The following SYT16 variants were observed in gnomAD, a reference collection of about 807,000 sequenced individuals.
SYT16 encodes synaptotagmin 16, also known as synaptotagmin-16.
Under a neutral mutation model 61.4 loss-of-function variants are expected in SYT16, and 42 were observed. That is an observed-to-expected ratio of 0.68 (90% confidence interval 0.53 to 0.89). The LOEUF (loss-of-function observed/expected upper bound fraction) is 0.89, where lower values mean the gene tolerates loss of function less well. Among genes scored for constraint, SYT16 ranks in the 40% least tolerant of loss-of-function variants. The pLI is 0.00. For synonymous variants in SYT16, 314 were observed against 302.3 expected (o/e 1.04, Z -0.40); for missense variants, 804 against 807.3 (o/e 1.00, Z 0.05).
chr14:61,980,025 C>T (rs2052003346), intron 2 of SYT16, among the ~76,000 whole-genome samples: 1 of 152,158 alleles, frequency 6.6e-6, no homozygotes, highest in Non-Finnish European at 1.5e-5. Context: ...TCTACATTCC[C>T]CAAGCCCTCC....
chr14:62,046,529 A>T (rs1184775366), intron 3 of SYT16, among the ~76,000 whole-genome samples: 1 of 152,156 alleles, frequency 6.6e-6, no homozygotes, highest in East Asian at 1.9e-4. Context: ...GTCCTTGCCC[A>T]TGCCTATGTC....
chr14:61,894,012 G>A (rs1179463829), intron 1 of SYT16, among the ~76,000 whole-genome samples: 1 of 152,194 alleles, frequency 6.6e-6, no homozygotes, highest in Admixed American at 6.5e-5. Context: ...TGGCTGGCAT[G>A]GTGGCTCATG....
At chr14:62,032,589 C>T (rs2054349971) in intron 3 of SYT16, among the ~76,000 whole-genome samples, 1 of 151,778 alleles carries the variant, frequency 6.6e-6, no homozygotes, top group African/African-American at 2.4e-5. Context: ...GGTAATGATA[C>T]TGAATAATGA....
At chr14:61,987,770 A>G (rs1305613268) in intron 2 of SYT16, among the ~76,000 whole-genome samples, 1 of 145,558 alleles carries the variant, frequency 6.9e-6, no homozygotes, top group Non-Finnish European at 1.5e-5. Context: ...CCACATTTTT[A>G]TAAGGCTGAT....
chr14:61,898,130 G>T (rs907140603), intron 1 of SYT16, among the ~76,000 whole-genome samples: 1 of 152,182 alleles, frequency 6.6e-6, no homozygotes, highest in Non-Finnish European at 1.5e-5. Context: ...CAGAAAATGT[G>T]CCAATTCTTA....
rs11357318 is a variant in SYT16, at chr14:61,833,706, C to CTTT, written c.-325+20915_-325+20917dup. On this transcript the variant is annotated intron_variant, in intron 1 of 7. Coordinates refer to ENST00000683842, the MANE Select transcript of SYT16 (RefSeq NM_001367656.1). The stretch of plus-strand genomic sequence containing the variant: ...CATTAGCCACTGCGCCCAGCAGTGG[C>CTTT]TTTTTTTTTTTTTTTTTTTTTAAAT... Among the ~76,000 whole-genome samples, 331 of 48,126 alleles carry CTTT rather than the reference C, an allele frequency of 6.9e-3. 1 individual carries two copies. Among genetic ancestry groups the CTTT allele is most frequent in the Non-Finnish European group, 9.2e-3 (244 of 26,648 alleles). The allele number at this position is 48,126 out of a possible 152,430, so 31.6% of individuals were successfully genotyped here. A position where few individuals can be genotyped will look rare whatever the true frequency, so the allele number is the denominator to read the frequency against.
intron 3 of SYT16, among the ~76,000 whole-genome samples, chr14:62,006,135 G>A (rs74860443): frequency 6.6e-6 from 1 of 152,006 alleles, no homozygotes; most frequent in East Asian, 1.9e-4. Flanking sequence ...TATAAAACTA[G>A]GATATGTGAT....
chr14:61,954,220 T>G (rs552443705), intron 1 of SYT16, among the ~76,000 whole-genome samples: 104 of 152,182 alleles, frequency 6.8e-4, no homozygotes, highest in Non-Finnish European at 1.3e-3. Flanking sequence ...TCTGGTTCCC[T>G]CCTTACTATT....
At chr14:61,891,308 C>T (rs1207968069) in intron 1 of SYT16, among the ~76,000 whole-genome samples, 3 of 151,892 alleles carry the variant, frequency 2.0e-5, no homozygotes, top group African/African-American at 7.3e-5. Context: ...GTGGCAAGCA[C>T]GTCTTCACCT....
intron 4 of SYT16, among the ~76,000 whole-genome samples, chr14:62,070,918 C>T (rs539753020): frequency 1.3e-5 from 2 of 151,940 alleles, no homozygotes; most frequent in African/African-American, 4.8e-5. Flanking sequence ...GAAGATAAAA[C>T]GGGAGAAATT....
intron 7 of SYT16, among the ~76,000 whole-genome samples, chr14:62,092,327 C>G (rs530179685): frequency 6.6e-6 from 1 of 151,768 alleles, no homozygotes; most frequent in Non-Finnish European, 1.5e-5. Context: ...TATGACAGTT[C>G]CTGAAAAGAT....
chr14:61,833,318 G>A (rs1016891485), intron 1 of SYT16, among the ~76,000 whole-genome samples: 1 of 147,854 alleles, frequency 6.8e-6, no homozygotes, highest in Admixed American at 6.7e-5. Context: ...TTGAGACGGA[G>A]TCTTGTTCTT....
At chr14:61,826,656 C>G (rs2045779647) in intron 1 of SYT16, among the ~76,000 whole-genome samples, 1 of 151,968 alleles carries the variant, frequency 6.6e-6, no homozygotes, top group South Asian at 2.1e-4. Flanking sequence ...GGTTTCCAAA[C>G]CCACAGCCTC....
At chr14:62,010,447 A>G (rs2053400257) in intron 3 of SYT16, among the ~76,000 whole-genome samples, 2 of 152,210 alleles carry the variant, frequency 1.3e-5, no homozygotes, top group African/African-American at 4.8e-5. Flanking sequence ...ATTTGAGGGA[A>G]GAACATTCTG....
intron 1 of SYT16, among the ~76,000 whole-genome samples, chr14:61,958,699 G>A (rs2050984566): frequency 6.6e-6 from 1 of 152,002 alleles, no homozygotes. Flanking sequence ...AATGTTCTGT[G>A]TGTAATTGAG....
intron 7 of SYT16, among the ~76,000 whole-genome samples, chr14:62,093,482 C>G (rs2057165959): frequency 6.6e-6 from 1 of 152,008 alleles, no homozygotes; most frequent in Non-Finnish European, 1.5e-5. Context: ...TGCCCCTCTT[C>G]CTCACACTGC....
Position 62,080,987 on chromosome 14 carries a change from A to G in SYT16, c.1147A>G (p.Ser383Gly). ...RAQGLPDKDR[S>G]GVNSWQVHVV... ...ACAGGGCCTCCCAGATAAGGACCGA[A>G]GTGGTGTCAACTCCTGGCAAGTTCA... Residue 383 changes from serine to glycine, a missense_variant, in exon 6 of 8, where the codon AGT becomes GGT. Transcript: ENST00000683842. The G allele has an allele frequency of 6.2e-7, 1 of 1,613,292 alleles. No homozygotes were observed. The highest frequency in any genetic ancestry group is 8.5e-7 in the Non-Finnish European group (1 of 1,179,642).
chr14:61,862,970 G>T (rs562017151), intron 1 of SYT16, among the ~76,000 whole-genome samples: 4 of 152,176 alleles, frequency 2.6e-5, no homozygotes, highest in South Asian at 4.1e-4. Flanking sequence ...TTTTAGCACC[G>T]AATAATGTTC....
At chr14:61,978,338 CA>C (rs576623960) in intron 2 of SYT16, among the ~76,000 whole-genome samples, 6 of 152,168 alleles carry the variant, frequency 3.9e-5, no homozygotes, top group Non-Finnish European at 5.9e-5. Context: ...TTTCCTCCAG[CA>C]CTGGTATTCC....
Sources: allele counts gnomAD v4.1 joint callset (sites outside exome capture counted in the v4.1 genomes callset), GRCh38; gene constraint gnomAD v4.1.1; transcripts MANE v1.5; gene names NCBI Gene and HGNC (gene_info 2026-07-23, HGNC 2026-07-21).